RASGRP3: variants seen among roughly 807,000 people sequenced by gnomAD.
RASGRP3 encodes the protein RAS guanyl releasing protein 3.
In RASGRP3, 54 loss-of-function variants were observed where a neutral mutation model predicts 82.7. The ratio of observed to expected loss-of-function variants is 0.65; its 90% CI spans 0.52 to 0.82. RASGRP3 has a LOEUF of 0.82. Among genes scored for constraint, RASGRP3 ranks in the 40% least tolerant of loss-of-function variants. RASGRP3 has a pLI of 0.00. For synonymous variants in RASGRP3, 309 were observed against 300.5 expected, an observed-to-expected ratio of 1.03 and a Z score of -0.29; for missense variants, 861 against 828.9, an observed-to-expected ratio of 1.04 and a Z score of -0.48.
At chr2:33,516,403 T>C (rs4233918) in intron 3 of RASGRP3, 139 bp from the exon 4 acceptor site, 120,255 of 580,268 alleles carry the variant, frequency 0.21, 13,655 homozygotes, top group Admixed American at 0.3. Context: ...CAAGACTCCA[T>C]CTTAAAAAGA....
intron 1 of RASGRP3, among the ~76,000 whole-genome samples, chr2:33,494,489 G>C (rs376327905): frequency 6.6e-6 from 1 of 152,186 alleles, no homozygotes; most frequent in Non-Finnish European, 1.5e-5. Flanking sequence ...ATCCCAAAGG[G>C]TCTACCGTGA....
intron 15 of RASGRP3, 86 bp downstream of exon 15, chr2:33,555,653 T>C (rs961167084): frequency 7.0e-5 from 83 of 1,188,806 alleles, no homozygotes; most frequent in South Asian, 4.8e-4. Context: ...ACAAAAGCTC[T>C]TGCCATTATT....
chr2:33,510,211 C>A (rs911198100), intron 1 of RASGRP3, among the ~76,000 whole-genome samples: 1 of 152,162 alleles, frequency 6.6e-6, no homozygotes, highest in Admixed American at 6.5e-5. Context: ...TCAAGAAATT[C>A]TTTTATCTTG....
chr2:33,443,632 A>C (rs73926634), intron 1 of RASGRP3, among the ~76,000 whole-genome samples: 3,155 of 151,510 alleles, frequency 0.021, 114 homozygotes, highest in African/African-American at 0.073. Context: ...TGTAATCCCA[A>C]CAATTTGGGT....
At chr2:33,527,983 C>T (rs1345100617) in intron 10 of RASGRP3, among the ~76,000 whole-genome samples, 1 of 152,150 alleles carries the variant, frequency 6.6e-6, no homozygotes, top group Non-Finnish European at 1.5e-5. Flanking sequence ...TTATACTTTC[C>T]ACCCCATGAA....
rs990460039 is a variant in RASGRP3, at chr2:33,437,537, T to C, written c.-385+946T>C. Among the ~76,000 whole-genome samples, 3 of 152,228 alleles carry C rather than the reference T, an allele frequency of 2.0e-5. No individual in the cohort carries two copies. The South Asian group carries it at 6.2e-4, about 32-fold the overall frequency. Reference sequence around the variant, plus strand: ...ATTGAAAAGGAAGAGCAGAAGGAAATGTGTGGCTGTTATTTCTTTTGCCCT... The same window carrying C: ...ATTGAAAAGGAAGAGCAGAAGGAAACGTGTGGCTGTTATTTCTTTTGCCCT... On this transcript the variant is annotated intron_variant, in intron 1 of 18. Transcript: ENST00000402538.
intron 1 of RASGRP3, among the ~76,000 whole-genome samples, chr2:33,492,360 A>G (rs912495076): frequency 6.6e-6 from 1 of 152,178 alleles, no homozygotes; most frequent in African/African-American, 2.4e-5. Context: ...TATCCTAGAA[A>G]GAAGCCCATG....
chr2:33,481,944 T>A (rs558419166), intron 1 of RASGRP3: 1 of 152,274 alleles, frequency 6.6e-6, no homozygotes, highest in African/African-American at 2.4e-5. Flanking sequence ...CCTCAGGTGA[T>A]CCACCCACCT....
chr2:33,454,507 A>G (rs1665944260), intron 2 of RASGRP3, among the ~76,000 whole-genome samples: 1 of 152,230 alleles, frequency 6.6e-6, no homozygotes, highest in African/African-American at 2.4e-5. Flanking sequence ...ATAAAAAGCA[A>G]TGAGTGTATT....
At chr2:33,470,214 T>C (rs1186154399) in intron 2 of RASGRP3, among the ~76,000 whole-genome samples, 1 of 152,154 alleles carries the variant, frequency 6.6e-6, no homozygotes, top group Non-Finnish European at 1.5e-5. Flanking sequence ...TTAATATATT[T>C]ACAATGTTAA....
At chr2:33,451,639 G>T (rs1665805841) in intron 2 of RASGRP3, among the ~76,000 whole-genome samples, 1 of 152,044 alleles carries the variant, frequency 6.6e-6, no homozygotes, top group African/African-American at 2.4e-5. Flanking sequence ...TTCATTTACT[G>T]CTGCTTTCAA....
In RASGRP3 at chr2:33,563,273, C is replaced by CTAGTCCTGA. The variant is rs1345530531; in HGVS notation, c.*537_*538insAGTCCTGAT. Reference sequence around the variant, plus strand: ...GATGGGACCAGAACTTAACATTTTCCTGAGGACTAGGAAGCTCATCAGACA... The same window carrying CTAGTCCTGA: ...GATGGGACCAGAACTTAACATTTTCCTAGTCCTGATGAGGACTAGGAAGCTCATCAGACA... On this transcript the variant is annotated 3_prime_UTR_variant, in exon 18 of 18. Transcript: ENST00000403687. 6 of 153,004 alleles carry CTAGTCCTGA rather than the reference C, an allele frequency of 3.9e-5. No individual in the cohort carries two copies. The highest frequency in any genetic ancestry group is 1.5e-4 in the African/African-American group (6 of 41,344). 9.5% of individuals were successfully genotyped at this position (153,004 alleles called of 1,614,324 possible).
chr2:33,559,669 T>C lies in RASGRP3; in HGVS notation c.2064+639T>C, dbSNP rs1676433151. 3 of 514,724 alleles carry C rather than the reference T, an allele frequency of 5.8e-6. 1 individual carries two copies. The highest frequency in any genetic ancestry group is 2.8e-5 in the South Asian group (2 of 70,576). 31.9% of individuals were successfully genotyped at this position (514,724 alleles called of 1,614,324 possible). Reference sequence around the variant, plus strand: ...ATTTATTAGTTAACAGTCTATAGTGTATTAAGAGAAAGGATTTGAGAAAAT... The same window carrying C: ...ATTTATTAGTTAACAGTCTATAGTGCATTAAGAGAAAGGATTTGAGAAAAT... On this transcript the variant is annotated intron_variant, in intron 17 of 17. Coordinates refer to ENST00000403687, the MANE Select transcript of RASGRP3 (RefSeq NM_001139488.2).
chr2:33,506,574 G>C (rs6738641), intron 1 of RASGRP3, among the ~76,000 whole-genome samples: 46,041 of 152,080 alleles, frequency 0.3, 9,454 homozygotes, highest in African/African-American at 0.58. Flanking sequence ...TAAAATCCAG[G>C]ACAATGTTGA....
chr2:33,546,183 G>A (rs963154487), intron 13 of RASGRP3, among the ~76,000 whole-genome samples: 3 of 151,614 alleles, frequency 2.0e-5, no homozygotes, highest in African/African-American at 7.2e-5. Context: ...CAGAACTTTG[G>A]GAGGCTGAGG....
rs1396327886 is a variant in RASGRP3 at position 33,524,529 on chromosome 2, T to G, written c.788T>G (p.Leu263Arg). 6.3e-7 allele frequency: 1 copy of G among 1,595,638 alleles called. No homozygotes were observed. The highest frequency in any genetic ancestry group is 8.6e-7 in the Non-Finnish European group (1 of 1,169,322). Reference protein sequence around the residue: ...ISRLKETHSHLSSEVTKNWNE... With the variant: ...ISRLKETHSHRSSEVTKNWNE... ...CGCCTCAAAGAGACCCATTCTCATC[T>G]TTCTTCAGAAGTTACAAAGGTATAG... The change falls in exon 9 of 18, where the codon CTT becomes CGT. Residue 263 changes from leucine to arginine, a missense_variant. Physicochemically the swap from Leu to Arg is moderately radical, Grantham distance 102 (BLOSUM62 -2). Coordinates refer to ENST00000403687, the MANE Select transcript of RASGRP3 (RefSeq NM_001139488.2).
chr2:33,472,870 CAAAAAA>C (rs57159320), upstream of RASGRP3, among the ~76,000 whole-genome samples: 1 of 68,082 alleles, frequency 1.5e-5, no homozygotes, highest in Non-Finnish European at 2.9e-5. Flanking sequence ...GACTCCGTCT[CAAAAAA>C]AAAAAAAAAA....
rs1211554483 is a variant in RASGRP3, at chr2:33,543,546, G to A, written c.1313G>A (p.Gly438Glu). 1 of 1,610,138 alleles carries A rather than the reference G, an allele frequency of 6.2e-7. No homozygotes were observed. The highest frequency in any genetic ancestry group is 8.5e-7 in the Non-Finnish European group (1 of 1,177,032). ...AGAAACTATGATCACGACCATGATG[G>A]GTACATTTCCCAAGAGGACTTTGAA... ...VFRNYDHDHD[G>E]YISQEDFESI... Residue 438 changes from glycine (G) to glutamate (E), a missense_variant, in exon 13 of 18, where the codon GGG becomes GAG. Gly to Glu is a moderately conservative substitution (Grantham distance 98). Transcript: ENST00000403687.
chr2:33,543,472 C>A (rs755591639), intron 12 of RASGRP3, 40 bp from the exon 13 acceptor site: 1 of 1,311,584 alleles, frequency 7.6e-7, no homozygotes, highest in South Asian at 1.3e-5. Context: ...TCAGAGCCTG[C>A]CTTATAGTCA....
Sources: gnomAD v4.1 joint callset for allele counts (sites outside exome capture counted in the v4.1 genomes callset) on GRCh38, gnomAD v4.1.1 for gene constraint, MANE v1.5 for transcripts, NCBI Gene and HGNC (gene_info 2026-07-23, HGNC 2026-07-21) for gene names.